The following CNTLN variants were observed in gnomAD, a reference collection of about 807,000 sequenced individuals.
CNTLN encodes centlein, centrosomal protein.
CNTLN carries 212 observed loss-of-function variants against 180.0 expected under a neutral mutation model. The ratio of observed to expected loss-of-function variants is 1.18; its 90% CI spans 1.05 to 1.32. CNTLN has a LOEUF of 1.32. Ranked by LOEUF, CNTLN falls within the 40% of genes most tolerant of loss-of-function variation. The pLI, the probability that CNTLN is intolerant of heterozygous loss-of-function variation, is 0.00. For missense variants in CNTLN, 2,095 were observed against 1,610.9 expected, an observed-to-expected ratio of 1.30 and a Z score of -5.14; for synonymous variants, 722 against 563.1, an observed-to-expected ratio of 1.28 and a Z score of -3.99.
At chr9:17,421,481 T>G (rs1828720512) in intron 18 of CNTLN, among the ~76,000 whole-genome samples, 1 of 152,132 alleles carries the variant, frequency 6.6e-6, no homozygotes, top group Non-Finnish European at 1.5e-5. Flanking sequence ...ATGAGTTTCT[T>G]GTAGGTAGTG....
At chr9:17,390,235 CTTTTTT>C (rs35329298) in intron 14 of CNTLN, among the ~76,000 whole-genome samples, 58 of 77,408 alleles carry the variant, frequency 7.5e-4, no homozygotes, top group African/African-American at 2.0e-3. Context: ...AAAAGAGCCT[CTTTTTT>C]TTTTTTTTTT....
chr9:17,238,858 TG>T (rs1381591718), intron 5 of CNTLN, among the ~76,000 whole-genome samples: 1 of 152,206 alleles, frequency 6.6e-6, no homozygotes, highest in East Asian at 1.9e-4. Flanking sequence ...TTGGGTCATA[TG>T]GTAACTGTTT....
At chr9:17,210,528 G>A (rs1190436054) in intron 2 of CNTLN, among the ~76,000 whole-genome samples, 1 of 152,162 alleles carries the variant, frequency 6.6e-6, no homozygotes, top group African/African-American at 2.4e-5. Flanking sequence ...GAACATACGT[G>A]TGCATGTGTC....
chr9:17,343,787 C>G (rs148646006), intron 12 of CNTLN, among the ~76,000 whole-genome samples: 1 of 152,062 alleles, frequency 6.6e-6, no homozygotes, highest in African/African-American at 2.4e-5. Context: ...TTTATCACCC[C>G]CCGCTACTCT....
At chr9:17,243,473 T>A (rs1269499558) in intron 5 of CNTLN, among the ~76,000 whole-genome samples, 1 of 152,322 alleles carries the variant, frequency 6.6e-6, no homozygotes, top group African/African-American at 2.4e-5. Context: ...CTTTTAGTAC[T>A]ACTTTCACTG....
At chr9:17,437,086 C>T (rs1829822762) in intron 18 of CNTLN, among the ~76,000 whole-genome samples, 1 of 152,170 alleles carries the variant, frequency 6.6e-6, no homozygotes, top group South Asian at 2.1e-4. Flanking sequence ...AACATTTATC[C>T]AGGAATTTGT....
intron 2 of CNTLN, among the ~76,000 whole-genome samples, chr9:17,211,530 C>T (rs1823310804): frequency 6.6e-6 from 1 of 152,152 alleles, no homozygotes. Flanking sequence ...ATTGTCTTGG[C>T]AATGCGGGCT....
At chr9:17,305,726 T>A (rs1818659279) in intron 7 of CNTLN, among the ~76,000 whole-genome samples, 1 of 152,180 alleles carries the variant, frequency 6.6e-6, no homozygotes, top group Non-Finnish European at 1.5e-5. Flanking sequence ...TAACCAAGTT[T>A]ACTGCTGGAC....
At chr9:17,201,399 A>C (rs1822516909) in intron 2 of CNTLN, among the ~76,000 whole-genome samples, 1 of 152,196 alleles carries the variant, frequency 6.6e-6, no homozygotes, top group Admixed American at 6.5e-5. Context: ...GAATAGTTTC[A>C]GAAGGTATGG....
the CNTLN span, among the ~76,000 whole-genome samples, chr9:17,525,475 A>G: frequency 6.6e-6 from 1 of 152,218 alleles, no homozygotes; most frequent in Non-Finnish European, 1.5e-5. Context: ...GGTTTACCAT[A>G]TAAAAATGTT....
At chr9:17,517,522 G>C in the CNTLN span, among the ~76,000 whole-genome samples, 1 of 152,128 alleles carries the variant, frequency 6.6e-6, no homozygotes, top group East Asian at 1.9e-4. Flanking sequence ...TCAATACCTA[G>C]TGTCCTTAGG....
In CNTLN at chr9:17,309,472, C is replaced by A. The variant is rs111250419; in HGVS notation, c.1341+220C>A. 3.9e-5 allele frequency among the ~76,000 whole-genome samples: 6 copies of A among 152,106 alleles called. No individual in the cohort carries two copies. The East Asian group carries it at 1.2e-3, about 29-fold the overall frequency. On this transcript the variant is annotated intron_variant, in intron 8 of 25. Transcript: ENST00000380647. ...GTGCATGTAGAAGTACAGGGTCTAG[C>A]AAATATAGTTATCGTGATGAAACAT...
At chr9:17,217,011 A>C (rs1823804917) in intron 2 of CNTLN, among the ~76,000 whole-genome samples, 1 of 152,230 alleles carries the variant, frequency 6.6e-6, no homozygotes, top group South Asian at 2.1e-4. Flanking sequence ...GGTCATGGGA[A>C]CTAACTGAAA....
At chr9:17,467,954 G>A (rs369034150) in intron 23 of CNTLN, among the ~76,000 whole-genome samples, 9 of 151,578 alleles carry the variant, frequency 5.9e-5, no homozygotes, top group African/African-American at 1.9e-4. Flanking sequence ...TGTTCATTGC[G>A]GCACTGTTAA....
intron 12 of CNTLN, among the ~76,000 whole-genome samples, chr9:17,344,595 T>C (rs1821731951): frequency 6.6e-6 from 1 of 152,222 alleles, no homozygotes. Context: ...CATGGAAACA[T>C]GTTTAGTATT....
chr9:17,224,579 G>A (rs1437279692), intron 2 of CNTLN, among the ~76,000 whole-genome samples: 3 of 151,956 alleles, frequency 2.0e-5, no homozygotes, highest in African/African-American at 7.2e-5. Context: ...TGTTCTGGAT[G>A]AATCCCTTAT....
At chr9:17,164,457 GTTTTT>G (rs772109564) in intron 2 of CNTLN, among the ~76,000 whole-genome samples, 1,471 of 68,348 alleles carry the variant, frequency 0.022, 10 homozygotes, top group African/African-American at 0.062. Context: ...TTATTTTTAT[GTTTTT>G]TTTTTTTTTT....
intron 2 of CNTLN, among the ~76,000 whole-genome samples, chr9:17,199,227 T>C (rs1319486293): frequency 6.8e-6 from 1 of 147,214 alleles, no homozygotes; most frequent in Admixed American, 6.7e-5. Flanking sequence ...TTTTTTTTTT[T>C]TTGAGACAGA....
chr9:17,338,306 A>G (rs1214419662), intron 10 of CNTLN, among the ~76,000 whole-genome samples: 1 of 141,482 alleles, frequency 7.1e-6, no homozygotes, highest in African/African-American at 2.6e-5. Flanking sequence ...CTGAGATTAC[A>G]GGCACCTGCT....
Sources: gnomAD v4.1 joint callset for allele counts (sites outside exome capture counted in the v4.1 genomes callset) on GRCh38, gnomAD v4.1.1 for gene constraint, MANE v1.5 for transcripts, NCBI Gene and HGNC (gene_info 2026-07-23, HGNC 2026-07-21) for gene names.